The following MYLK4 variants were observed in gnomAD, a reference collection of about 807,000 sequenced individuals.
MYLK4 encodes the protein myosin light chain kinase family member 4.
MYLK4 carries 46 observed loss-of-function variants against 48.1 expected under a neutral mutation model. That is an observed-to-expected ratio of 0.96 (90% CI 0.75 to 1.22). The LOEUF is 1.22. Among genes scored for constraint, MYLK4 ranks in the 50% most tolerant of loss-of-function variants. MYLK4 has a pLI of 0.00. For missense variants in MYLK4, 451 were observed against 486.1 expected (o/e 0.93, Z 0.68); for synonymous variants, 170 against 180.8 (o/e 0.94, Z 0.48).
At chr6:2,699,980 A>T (rs1291980743) in intron 2 of MYLK4, among the ~76,000 whole-genome samples, 1 of 152,178 alleles carries the variant, frequency 6.6e-6, no homozygotes, top group Non-Finnish European at 1.5e-5. Context: ...TGAACAAATT[A>T]AGAATCTTCA....
Position 2,685,293 on chromosome 6 carries a change from T to A in MYLK4, c.545+3A>T, listed in dbSNP as rs998197738. On this transcript the variant is annotated splice_donor_region_variant and intron_variant, in intron 6 of 12. Coordinates refer to ENST00000274643, the MANE Select transcript of MYLK4 (RefSeq NM_001012418.5). The surrounding 1 kb of genome is among the most constrained non-coding windows in gnomAD (Gnocchi z 4.5). ...TCAGGGAGGGGGCGGAGGGGATACGTACTACTCCATGACCAGGACAATGTC... is the reference window on the plus strand; with the variant it reads ...TCAGGGAGGGGGCGGAGGGGATACGAACTACTCCATGACCAGGACAATGTC... 3.7e-6 allele frequency: 6 copies of A among 1,608,448 alleles called. No homozygotes were observed. The highest frequency in any genetic ancestry group is 5.1e-6 in the Non-Finnish European group (6 of 1,176,102).
chr6:2,763,961 C>G, the MYLK4 span, among the ~76,000 whole-genome samples: 1 of 152,170 alleles, frequency 6.6e-6, no homozygotes, highest in East Asian at 1.9e-4. Context: ...GAAACCCCGT[C>G]TGTACTAAAA....
the MYLK4 span, among the ~76,000 whole-genome samples, chr6:2,766,683 A>G: frequency 2.0e-5 from 3 of 152,102 alleles, no homozygotes; most frequent in African/African-American, 4.8e-5. Flanking sequence ...CAAAAGGACG[A>G]TGTCTGTGAA....
At chr6:2,730,863 G>A (rs758108364) in intron 2 of MYLK4, among the ~76,000 whole-genome samples, 1 of 152,120 alleles carries the variant, frequency 6.6e-6, no homozygotes, top group Non-Finnish European at 1.5e-5. Flanking sequence ...GACTTTGAAC[G>A]TGAAGGATGA....
chr6:2,756,560 G>A, the MYLK4 span, among the ~76,000 whole-genome samples: 2 of 152,036 alleles, frequency 1.3e-5, no homozygotes, highest in Non-Finnish European at 2.9e-5. Flanking sequence ...ACAGAGAGAG[G>A]AAATATAATT....
chr6:2,765,452 G>A, the MYLK4 span: 5 of 775,172 alleles, frequency 6.5e-6, no homozygotes, highest in East Asian at 4.0e-5. Context: ...GGGCGGACGC[G>A]GGAGCTGCGG....
At chr6:2,714,199 A>G (rs1013464533) in intron 2 of MYLK4, among the ~76,000 whole-genome samples, 3 of 152,198 alleles carry the variant, frequency 2.0e-5, no homozygotes, top group Non-Finnish European at 4.4e-5. Flanking sequence ...GATGGCAACC[A>G]AAGGAATCCC....
At chr6:2,738,438 A>G (rs9392423) in intron 2 of MYLK4, among the ~76,000 whole-genome samples, 68,990 of 152,148 alleles carry the variant, frequency 0.45, 15,984 homozygotes, top group East Asian at 0.56. Context: ...CATTAGTTCC[A>G]GTGTAGTCTT....
chr6:2,722,544 T>C (rs930739311), intron 2 of MYLK4, among the ~76,000 whole-genome samples: 1 of 151,304 alleles, frequency 6.6e-6, no homozygotes, highest in Non-Finnish European at 1.5e-5. Context: ...TGTGTGTGTG[T>C]GTGTGTGTGT....
At chr6:2,722,523 G>GTC (rs1316940040) in intron 2 of MYLK4, among the ~76,000 whole-genome samples, 2 of 149,584 alleles carry the variant, frequency 1.3e-5, no homozygotes, top group Non-Finnish European at 3.0e-5. Flanking sequence ...GTGTGTGTGT[G>GTC]TGTGTGTGTG....
At chr6:2,684,078 C>G (rs1761432953) in intron 6 of MYLK4, among the ~76,000 whole-genome samples, 1 of 152,166 alleles carries the variant, frequency 6.6e-6, no homozygotes, top group African/African-American at 2.4e-5. Context: ...GGATTAACAA[C>G]AATAACTACG....
At chr6:2,679,447 G>T (rs529803552) in intron 8 of MYLK4, 39 bp from the exon 9 acceptor site, 1 of 1,613,140 alleles carries the variant, frequency 6.2e-7, no homozygotes, top group Non-Finnish European at 8.5e-7. Context: ...TGGACGTGTC[G>T]ATCAAAAATC....
chr6:2,668,923 C>T (rs1227352055), intron 12 of MYLK4, among the ~76,000 whole-genome samples: 2 of 151,944 alleles, frequency 1.3e-5, no homozygotes, highest in Non-Finnish European at 2.9e-5. Flanking sequence ...TAAAAATTAG[C>T]CAGGCGTGGT....
intron 2 of MYLK4, among the ~76,000 whole-genome samples, chr6:2,733,960 G>T (rs934971462): frequency 1.3e-5 from 2 of 152,002 alleles, no homozygotes; most frequent in African/African-American, 2.4e-5. Context: ...AAATGTCAGC[G>T]CATCCCAAAA....
At chr6:2,730,382 G>A (rs138700769) in intron 2 of MYLK4, among the ~76,000 whole-genome samples, 54 of 152,298 alleles carry the variant, frequency 3.5e-4, no homozygotes, top group Non-Finnish European at 7.5e-4. Flanking sequence ...CAGAAACAGG[G>A]GCAAGTGGTT....
intron 2 of MYLK4, among the ~76,000 whole-genome samples, chr6:2,747,535 G>A (rs1764141044): frequency 6.6e-6 from 1 of 151,812 alleles, no homozygotes; most frequent in South Asian, 2.1e-4. Flanking sequence ...TTTTATTTTT[G>A]TAGAAATAGA....
chr6:2,756,677 T>C, the MYLK4 span, among the ~76,000 whole-genome samples: 1 of 152,154 alleles, frequency 6.6e-6, no homozygotes, highest in African/African-American at 2.4e-5. Context: ...TGTAACCCCC[T>C]CCCACTGATA....
chr6:2,765,590 C>T, the MYLK4 span: 4 of 1,464,566 alleles, frequency 2.7e-6, no homozygotes, highest in East Asian at 9.0e-5. Context: ...GTTGCTGCGG[C>T]CGCGCCGGGC....
intron 2 of MYLK4, among the ~76,000 whole-genome samples, chr6:2,701,860 C>G (rs1182388359): frequency 2.0e-5 from 3 of 152,218 alleles, no homozygotes; most frequent in Non-Finnish European, 4.4e-5. Flanking sequence ...ATTTCAGAAG[C>G]GTTGACCTAG....
Sources: gnomAD v4.1 joint callset for allele counts (sites outside exome capture counted in the v4.1 genomes callset) on GRCh38, gnomAD v4.1.1 for gene constraint, Gnocchi (gnomAD v3.1) non-coding constraint, MANE v1.5 for transcripts, NCBI Gene and HGNC (gene_info 2026-07-23, HGNC 2026-07-21) for gene names.